RYR3: variants seen among roughly 807,000 people sequenced by gnomAD.
The protein encoded by RYR3 is ryanodine receptor 3, also known as brain ryanodine receptor-calcium release channel.
RYR3 carries 207 observed loss-of-function variants against 584.3 expected under a neutral mutation model. The observed-to-expected ratio is 0.35, with a 90% CI of 0.32 to 0.40. The LOEUF (loss-of-function observed/expected upper bound fraction) is 0.40. Ranked by LOEUF, RYR3 falls within the 10% of genes least tolerant of loss-of-function variation. The pLI is 1.00. For missense variants in RYR3, 5,616 were observed against 6,089.2 expected (o/e 0.92, Z 2.59); for synonymous variants, 2,416 against 2,248.5 (o/e 1.07, Z -2.11).
chr15:33,543,283 T>TG (rs1236643462), intron 7 of RYR3, among the ~76,000 whole-genome samples: 4 of 152,154 alleles, frequency 2.6e-5, no homozygotes, highest in African/African-American at 9.7e-5. Flanking sequence ...TGTTATTGGG[T>TG]GTACTTACAT....
In RYR3 at chr15:33,832,014, C is replaced by T. The variant is rs114451702; in HGVS notation, c.11463+923C>T. 4.5e-3 allele frequency among the ~76,000 whole-genome samples: 684 copies of T among 152,220 alleles called. 3 individuals are homozygous for T. Among genetic ancestry groups the T allele is most frequent in the African/African-American group, 0.016 (650 of 41,542 alleles). ...TATTCAATATAAGATGATCATACAG[C>T]CAGATGCGGTGGCTCATGCCTGTAA... On this transcript the variant is annotated intron_variant, in intron 86 of 103. Coordinates refer to ENST00000634891, the MANE Select transcript of RYR3 (RefSeq NM_001036.6).
At chr15:33,339,675 G>A (rs1971568526) in intron 1 of RYR3, among the ~76,000 whole-genome samples, 1 of 152,140 alleles carries the variant, frequency 6.6e-6, no homozygotes, top group Non-Finnish European at 1.5e-5. Context: ...GGATCACGAG[G>A]TCAGGAGATC....
intron 3 of RYR3, among the ~76,000 whole-genome samples, chr15:33,509,859 C>T (rs2052816414): frequency 6.6e-6 from 1 of 152,206 alleles, no homozygotes; most frequent in Non-Finnish European, 1.5e-5. Flanking sequence ...TTGGGACACT[C>T]CTCCTCCCTA....
At chr15:33,435,045 C>T (rs926511343) in intron 1 of RYR3, among the ~76,000 whole-genome samples, 63 of 152,196 alleles carry the variant, frequency 4.1e-4, no homozygotes, top group African/African-American at 1.4e-3. Context: ...TGGTCTCAAT[C>T]TCCTGACCTC....
At chr15:33,752,973 C>T (rs1007064970) in intron 57 of RYR3, among the ~76,000 whole-genome samples, 1 of 152,110 alleles carries the variant, frequency 6.6e-6, no homozygotes, top group African/African-American at 2.4e-5. Flanking sequence ...GAGTTTTTAG[C>T]ATGAAGGATG....
intron 98 of RYR3, 43 bp from the exon 99 acceptor site, chr15:33,857,734 AGAG>A (rs1169775030): frequency 6.2e-7 from 1 of 1,610,738 alleles, no homozygotes; most frequent in South Asian, 1.1e-5. Flanking sequence ...CTTTCAAGGT[AGAG>A]AAGACCCCAC....
At chr15:33,672,689 T>C (rs1566926265) in intron 38 of RYR3, among the ~76,000 whole-genome samples, 1 of 152,272 alleles carries the variant, frequency 6.6e-6, no homozygotes, top group Non-Finnish European at 1.5e-5. Flanking sequence ...GTCAAAATCC[T>C]TTAAATTATT....
At chr15:33,670,332 G>T in intron 37 of RYR3, 87 bp from the exon 38 acceptor site, 1 of 1,370,682 alleles carries the variant, frequency 7.3e-7, no homozygotes, top group Admixed American at 2.0e-5. Context: ...CCAGAAGGAT[G>T]GGAAGCAGTT....
chr15:33,646,534 T>C lies in RYR3; in HGVS notation c.3941+8T>C. 1.2e-6 allele frequency: 2 copies of C among 1,603,628 alleles called. No individual in the cohort carries two copies. Among genetic ancestry groups the C allele is most frequent in the South Asian group, 2.2e-5 (2 of 90,238 alleles). On this transcript the variant is annotated splice_region_variant and intron_variant, in intron 29 of 103. Coordinates refer to ENST00000634891, the MANE Select transcript of RYR3 (RefSeq NM_001036.6). ...TGAAGCTTTCCAGAAAAGGTGAGGG[T>C]GAGGCCTCCAGTTCTCAGAGGCACT...
chr15:33,407,148 A>C (rs1014162315), intron 1 of RYR3, among the ~76,000 whole-genome samples: 1 of 152,202 alleles, frequency 6.6e-6, no homozygotes, highest in Non-Finnish European at 1.5e-5. Flanking sequence ...CAGCCCTTTT[A>C]TAAAGCACTA....
At chr15:33,585,774 C>T (rs955657609) in intron 15 of RYR3, among the ~76,000 whole-genome samples, 23 of 152,106 alleles carry the variant, frequency 1.5e-4, no homozygotes, top group African/African-American at 5.1e-4. Context: ...GGGTTTGTGC[C>T]GAATTAAAAT....
intron 24 of RYR3, among the ~76,000 whole-genome samples, chr15:33,633,619 A>C (rs11072570): frequency 0.14 from 21,771 of 152,184 alleles, 2,072 homozygotes; most frequent in East Asian, 0.42. Flanking sequence ...CACATTAGTT[A>C]ATTCATACCG....
chr15:33,848,826 CTTTTTTTTTTTTT>C (rs769204969), intron 94 of RYR3, among the ~76,000 whole-genome samples: 3 of 75,250 alleles, frequency 4.0e-5, no homozygotes, highest in East Asian at 4.3e-4. Flanking sequence ...CTGAAGTCCT[CTTTTTTTTTTTTT>C]TTTTTTTTTT....
chr15:33,586,179 A>G (rs2058837885), intron 16 of RYR3, 63 bp downstream of exon 16: 4 of 961,768 alleles, frequency 4.2e-6, no homozygotes, highest in Admixed American at 3.5e-5. Flanking sequence ...GTTCATGACC[A>G]TTGTGTTTTA....
intron 85 of RYR3, 59 bp from the exon 86 acceptor site, chr15:33,830,904 G>C (rs899348993): frequency 6.3e-7 from 1 of 1,575,262 alleles, no homozygotes; most frequent in African/African-American, 1.3e-5. Context: ...CCCAAACACC[G>C]AGTTTAGCTT....
At chr15:33,460,940 C>CTTTTTTTTTTTTTTTT (rs66742049) in intron 1 of RYR3, among the ~76,000 whole-genome samples, 1,219 of 79,148 alleles carry the variant, frequency 0.015, 251 homozygotes, top group East Asian at 0.041. Flanking sequence ...TAATATCCAC[C>CTTTTTTTTTTTTTTTT]TTTTTTTTTT....
intron 1 of RYR3, among the ~76,000 whole-genome samples, chr15:33,413,441 A>G (rs560968859): frequency 1.0e-3 from 156 of 152,372 alleles, no homozygotes; most frequent in African/African-American, 3.7e-3. Context: ...GAGAGCAAAC[A>G]AGACAGTCCA....
chr15:33,864,987 A>ATAGAGCAAGAATGAATGTGCAGGTT, intron 103 of RYR3, 144 bp from the exon 104 acceptor site: 1 of 608,020 alleles, frequency 1.6e-6, no homozygotes, highest in Non-Finnish European at 2.9e-6. Context: ...TGTGCTGGGA[A>ATAGAGCAAGAATGAATGTGCAGGTT]TAGAGCAAGA....
intron 69 of RYR3, 41 bp from the exon 70 acceptor site, chr15:33,807,514 G>T: frequency 6.5e-7 from 1 of 1,550,256 alleles, no homozygotes; most frequent in South Asian, 1.2e-5. Context: ...TTTACTGACT[G>T]ACTCTTCTCC....
Sources: allele counts gnomAD v4.1 joint callset (sites outside exome capture counted in the v4.1 genomes callset), GRCh38; gene constraint gnomAD v4.1.1; transcripts MANE v1.5; gene names NCBI Gene and HGNC (gene_info 2026-07-23, HGNC 2026-07-21).